Variants in MYT1L observed in about 807,000 individuals in gnomAD.
The protein encoded by MYT1L is myelin transcription factor 1-like protein.
Under a neutral mutation model 126.7 loss-of-function variants are expected in MYT1L, and 12 were observed. The ratio of observed to expected loss-of-function variants is 0.09; its 90% confidence interval spans 0.06 to 0.15. MYT1L has a LOEUF of 0.15. MYT1L is among the 10% of genes least tolerant of loss of function. MYT1L has a pLI of 1.00. For synonymous variants in MYT1L, 541 were observed against 604.2 expected (o/e 0.90, Z 1.53); for missense variants, 979 against 1,585.2 (o/e 0.62, Z 6.49).
intron 4 of MYT1L, among the ~76,000 whole-genome samples, chr2:2,032,182 T>A (rs1421761030): frequency 1.1e-5 from 1 of 90,078 alleles, no homozygotes; most frequent in African/African-American, 5.3e-5. Flanking sequence ...GTGCCTCTCA[T>A]CCTGTGGCCC....
intron 4 of MYT1L, among the ~76,000 whole-genome samples, chr2:2,026,771 G>A (rs1281712269): frequency 2.0e-5 from 3 of 152,094 alleles, no homozygotes; most frequent in Non-Finnish European, 2.9e-5. Context: ...GCCACCCCAG[G>A]GTGCTTTCTG....
rs571541032 is a variant in MYT1L at position 2,143,392 on chromosome 2, G to A, written c.-304+29480C>T. Among the ~76,000 whole-genome samples the A allele has an allele frequency of 6.6e-5, 10 of 152,064 alleles. No individual in the cohort carries two copies. The East Asian group carries it at 9.7e-4, about 15-fold the overall frequency. On this transcript the variant is annotated intron_variant, in intron 3 of 24. Transcript: ENST00000647738. Reference sequence around the variant, plus strand: ...GACGGAGGAGGCTGTGCCTGGGGCCGAGGTGGTCGGTCACTCTATGTGCAC... The same window carrying A: ...GACGGAGGAGGCTGTGCCTGGGGCCAAGGTGGTCGGTCACTCTATGTGCAC...
chr2:1,804,041 G>A (rs554309428), intron 22 of MYT1L, among the ~76,000 whole-genome samples: 3 of 152,330 alleles, frequency 2.0e-5, no homozygotes, highest in Non-Finnish European at 4.4e-5. Context: ...GGCCCAGGAA[G>A]CAGTCCCTGG....
At chr2:2,253,543 C>T (rs1156857554) in intron 2 of MYT1L, among the ~76,000 whole-genome samples, 2 of 152,108 alleles carry the variant, frequency 1.3e-5, no homozygotes, top group African/African-American at 2.4e-5. Context: ...TTTGTAAAAA[C>T]GAGTGCCAAG....
chr2:2,122,939 G>A (rs2081242628), intron 3 of MYT1L, among the ~76,000 whole-genome samples: 1 of 151,728 alleles, frequency 6.6e-6, no homozygotes, highest in African/African-American at 2.4e-5. Context: ...ATTTCTATGG[G>A]GAGGCGCAGA....
At chr2:2,191,329 T>A (rs190986689) in intron 2 of MYT1L, among the ~76,000 whole-genome samples, 2 of 151,772 alleles carry the variant, frequency 1.3e-5, no homozygotes, top group East Asian at 3.9e-4. Flanking sequence ...CAGATTGGAG[T>A]TTTGCAAGTA....
chr2:1,972,355 G>GAA (rs5828874), intron 8 of MYT1L, among the ~76,000 whole-genome samples: 2 of 151,992 alleles, frequency 1.3e-5, no homozygotes, highest in African/African-American at 4.8e-5. Context: ...AGCGTGGTTA[G>GAA]AAAAAAATGC....
Position 1,848,252 on chromosome 2 carries a change from C to T in MYT1L, c.2774+3389G>A, listed in dbSNP as rs1245429477. Among the ~76,000 whole-genome samples, 1 of 151,840 alleles carries T rather than the reference C, an allele frequency of 6.6e-6. No individual in the cohort carries two copies. Among genetic ancestry groups the T allele is most frequent in the African/African-American group, 2.4e-5 (1 of 41,294 alleles). On this transcript the variant is annotated intron_variant, in intron 19 of 24. Coordinates refer to ENST00000647738, the MANE Select transcript of MYT1L (RefSeq NM_001303052.2). This position sits in a 1 kb window ranked among gnomAD's most constrained non-coding sequence, Gnocchi z 4.8. ...CAGAATTGGAGTGTGTGCCTTTGTC[C>T]TGGGAGCAGGAGGGAGAATTCTACA...
chr2:2,231,528 A>G (rs917940493), intron 2 of MYT1L, among the ~76,000 whole-genome samples: 9 of 151,956 alleles, frequency 5.9e-5, no homozygotes, highest in East Asian at 1.9e-4. Flanking sequence ...ACTTCCTGCA[A>G]CTTCCACCTC....
chr2:2,311,620 T>C (rs1418496296), intron 1 of MYT1L, among the ~76,000 whole-genome samples: 1 of 152,144 alleles, frequency 6.6e-6, no homozygotes, highest in Non-Finnish European at 1.5e-5. Flanking sequence ...GTGTTGTGCA[T>C]GCTTGGAGAG....
intron 8 of MYT1L, among the ~76,000 whole-genome samples, chr2:1,976,138 A>G (rs1044546616): frequency 1.3e-5 from 2 of 151,110 alleles, no homozygotes; most frequent in Non-Finnish European, 2.9e-5. Context: ...AAAAAAAAAA[A>G]GACATGTAAT....
At chr2:1,956,430 C>CTATCTATA (rs2058411795) in intron 8 of MYT1L, among the ~76,000 whole-genome samples, 1 of 138,400 alleles carries the variant, frequency 7.2e-6, no homozygotes, top group Non-Finnish European at 1.5e-5. Flanking sequence ...ATCTATCTAT[C>CTATCTATA]TATCTATCTA....
At chr2:1,903,908 C>G (rs1181706525) in intron 13 of MYT1L, among the ~76,000 whole-genome samples, 2 of 152,156 alleles carry the variant, frequency 1.3e-5, no homozygotes, top group African/African-American at 4.8e-5. Context: ...GGTCATTGCT[C>G]ACTCATAGAC....
Position 1,887,480 on chromosome 2 carries a change from A to T in MYT1L, c.2642+8T>A. 6.2e-7 allele frequency: 1 copy of T among 1,614,012 alleles called. No homozygotes were observed. The highest frequency in any genetic ancestry group is 8.5e-7 in the Non-Finnish European group (1 of 1,179,892). ...AAGATTCATAATTTCACCTCACAGC[A>T]TGCTTACGTTATTAAGTCCTTTTTG... On this transcript the variant is annotated splice_region_variant and intron_variant, in intron 17 of 24. Transcript: ENST00000647738. This position sits in a 1 kb window ranked among gnomAD's most constrained non-coding sequence, Gnocchi z 4.8.
rs527822330 is a variant in MYT1L at position 2,177,110 on chromosome 2, C to T, written c.-420-4122G>A. ...AGAGCCTTCCCCGTCTGCTGTGTAGCGGGGACGATGTCGTCAACAGGACTG... is the reference window on the plus strand; with the variant it reads ...AGAGCCTTCCCCGTCTGCTGTGTAGTGGGGACGATGTCGTCAACAGGACTG... On this transcript the variant is annotated intron_variant, in intron 2 of 24. Coordinates refer to ENST00000647738, the MANE Select transcript of MYT1L (RefSeq NM_001303052.2). Among the ~76,000 whole-genome samples, 30 of 152,254 alleles carry T rather than the reference C, an allele frequency of 2.0e-4. No individual in the cohort carries two copies. The South Asian group carries it at 5.6e-3, about 28-fold the overall frequency.
At position 2,122,872 on chromosome 2, in the gene MYT1L, T is replaced by TGTGTGAGA. The variant is rs553951630; in HGVS notation, c.-304+49999_-304+50000insTCTCACAC. On this transcript the variant is annotated intron_variant, in intron 3 of 24. Coordinates refer to ENST00000647738, the MANE Select transcript of MYT1L (RefSeq NM_001303052.2). ...GTGTGTGTGTGTGTGTGTGTGTGTG[T>TGTGTGAGA]GAGAGAGAGAGAGAGAGAGACCAAT... Among the ~76,000 whole-genome samples, 631 of 133,020 alleles carry TGTGTGAGA rather than the reference T, an allele frequency of 4.7e-3. 4 individuals carry two copies. The highest frequency in any genetic ancestry group is 9.7e-3 in the South Asian group (38 of 3,928). 87.3% of individuals were successfully genotyped at this position (133,020 alleles called of 152,430 possible).
At chr2:1,853,558 C>T (rs934918514) in intron 18 of MYT1L, among the ~76,000 whole-genome samples, 1 of 152,124 alleles carries the variant, frequency 6.6e-6, no homozygotes, top group Non-Finnish European at 1.5e-5. Flanking sequence ...CATTTGAAAG[C>T]AACAAAAATC....
chr2:2,161,544 T>C (rs2087932187), intron 3 of MYT1L, among the ~76,000 whole-genome samples: 1 of 152,238 alleles, frequency 6.6e-6, no homozygotes, highest in South Asian at 2.1e-4. Context: ...TGAATCCTTC[T>C]ATTGTAAAAT....
At chr2:2,078,940 G>GA (rs1558942912) in intron 3 of MYT1L, among the ~76,000 whole-genome samples, 1 of 152,162 alleles carries the variant, frequency 6.6e-6, no homozygotes, top group African/African-American at 2.4e-5. Context: ...GGGGTCCTTG[G>GA]AAGGTGATTA....
Sources: allele counts gnomAD v4.1 joint callset (sites outside exome capture counted in the v4.1 genomes callset), GRCh38; gene constraint gnomAD v4.1.1; non-coding constraint Gnocchi (gnomAD v3.1); transcripts MANE v1.5; gene names NCBI Gene and HGNC (gene_info 2026-07-23, HGNC 2026-07-21).